FOXP1: variants seen among roughly 807,000 people sequenced by gnomAD.
FOXP1 encodes the protein forkhead box P1.
In FOXP1, 15 loss-of-function variants were observed where a neutral mutation model predicts 98.2. That is an observed-to-expected ratio of 0.15 (90% CI 0.10 to 0.24). The LOEUF (loss-of-function observed/expected upper bound fraction) is 0.24, where lower values mean the gene tolerates loss of function less well. Ranked by LOEUF, FOXP1 falls within the 10% of genes least tolerant of loss-of-function variation. The pLI, the probability that FOXP1 is intolerant of heterozygous loss-of-function variation, is 1.00. For missense variants in FOXP1, 633 were observed against 848.5 expected (o/e 0.75, Z 3.15); for synonymous variants, 371 against 314.5 (o/e 1.18, Z -1.90).
At chr3:71,255,017 CA>C in intron 5 of FOXP1, among the ~76,000 whole-genome samples, 1 of 152,258 alleles carries the variant, frequency 6.6e-6, no homozygotes, top group Non-Finnish European at 1.5e-5. Flanking sequence ...CACTTAACGC[CA>C]AGCAGTGAGT....
At chr3:71,066,091 C>CAAAA (rs34279433) in intron 7 of FOXP1, among the ~76,000 whole-genome samples, 22 of 104,972 alleles carry the variant, frequency 2.1e-4, no homozygotes, top group East Asian at 1.3e-3. Flanking sequence ...TATTTGCCTT[C>CAAAA]AAAAAAAAAA....
chr3:71,487,415 T>C (rs200156148), intron 3 of FOXP1, among the ~76,000 whole-genome samples: 1 of 152,274 alleles, frequency 6.6e-6, no homozygotes, highest in East Asian at 1.9e-4. Context: ...TGCCAGATAT[T>C]AGGGTAAGTA....
chr3:71,189,731 A>C (rs985074031), intron 6 of FOXP1, among the ~76,000 whole-genome samples: 2 of 152,084 alleles, frequency 1.3e-5, no homozygotes, highest in African/African-American at 4.8e-5. Flanking sequence ...CCCCTCAACA[A>C]TCTCTTCTTA....
intron 7 of FOXP1, among the ~76,000 whole-genome samples, chr3:71,084,758 C>T (rs1011990988): frequency 2.6e-5 from 4 of 152,128 alleles, no homozygotes; most frequent in Non-Finnish European, 5.9e-5. Context: ...GTTGGCCAGG[C>T]GCAGTGGCTC....
At chr3:71,399,185 C>G (rs2081775755) in intron 3 of FOXP1, among the ~76,000 whole-genome samples, 1 of 152,134 alleles carries the variant, frequency 6.6e-6, no homozygotes, top group Non-Finnish European at 1.5e-5. Context: ...TGTACATACA[C>G]ATATGTGTAT....
intron 7 of FOXP1, among the ~76,000 whole-genome samples, chr3:71,078,741 C>T (rs540567513): frequency 1.3e-5 from 2 of 151,904 alleles, no homozygotes; most frequent in African/African-American, 4.8e-5. Flanking sequence ...TGTTTTGCCT[C>T]CAAAGGCTCT....
At chr3:71,264,485 C>T (rs1388889917) in intron 5 of FOXP1, among the ~76,000 whole-genome samples, 11 of 152,156 alleles carry the variant, frequency 7.2e-5, no homozygotes, top group Admixed American at 6.5e-5. Flanking sequence ...AATGGAGAGC[C>T]ATGAATGGTG....
intron 3 of FOXP1, among the ~76,000 whole-genome samples, chr3:71,476,960 A>C (rs529352777): frequency 2.0e-4 from 30 of 152,324 alleles, no homozygotes; most frequent in Non-Finnish European, 4.0e-4. Context: ...CATCTGAAGG[A>C]AACTTATTGA....
At chr3:71,060,417 C>T (rs1468790642) in intron 7 of FOXP1, among the ~76,000 whole-genome samples, 1 of 152,064 alleles carries the variant, frequency 6.6e-6, no homozygotes, top group Non-Finnish European at 1.5e-5. Context: ...ATAATGAAGA[C>T]AAAGCCCAAC....
intron 10 of FOXP1, among the ~76,000 whole-genome samples, chr3:71,042,857 A>C (rs1403481967): frequency 1.3e-5 from 2 of 152,222 alleles, no homozygotes; most frequent in African/African-American, 4.8e-5. Flanking sequence ...TCTCAACGTG[A>C]TCAGCCAAAC....
intron 3 of FOXP1, among the ~76,000 whole-genome samples, chr3:71,434,343 C>T (rs2085011339): frequency 6.6e-6 from 1 of 152,010 alleles, no homozygotes; most frequent in African/African-American, 2.4e-5. Flanking sequence ...CCACTCCAGT[C>T]CTGGGAGTCC....
rs2048175053 is a variant in FOXP1 at position 71,581,600 on chromosome 3, G to C, written c.-349C>G. 3 of 985,672 alleles carry C rather than the reference G, an allele frequency of 3.0e-6. No individual in the cohort carries two copies. The highest frequency in any genetic ancestry group is 1.7e-5 in the African/African-American group (1 of 57,356). The allele number at this position is 985,672 out of a possible 1,614,324, so 61.1% of individuals were successfully genotyped here. On this transcript the variant is annotated 5_prime_UTR_variant, in exon 2 of 21. Transcript: ENST00000649528. ...GCGCCGCCTTCACGCCCGCGGAGGA[G>C]GCGCCGGCAGCACCATGGTCCCCGG...
intron 4 of FOXP1, among the ~76,000 whole-genome samples, chr3:71,311,049 G>A (rs777954511): frequency 4.6e-5 from 7 of 152,136 alleles, no homozygotes; most frequent in Non-Finnish European, 7.4e-5. Flanking sequence ...GATTTTATCT[G>A]ATTTGCATCC....
intron 3 of FOXP1, among the ~76,000 whole-genome samples, chr3:71,418,146 TG>T (rs2083363972): frequency 6.6e-6 from 1 of 151,264 alleles, no homozygotes; most frequent in Non-Finnish European, 1.5e-5. Flanking sequence ...TGTGTGTGTG[TG>T]TTTCCACTGA....
At chr3:71,391,049 C>CA (rs1357709436) in intron 3 of FOXP1, among the ~76,000 whole-genome samples, 1 of 152,162 alleles carries the variant, frequency 6.6e-6, no homozygotes, top group Admixed American at 6.5e-5. Context: ...AAAGAGCTCA[C>CA]AAAAATGTCA....
chr3:71,039,442 A>C (rs917212207), intron 11 of FOXP1, among the ~76,000 whole-genome samples: 20 of 152,192 alleles, frequency 1.3e-4, no homozygotes, highest in African/African-American at 3.9e-4. Context: ...CTCCTTGCTA[A>C]TCTATCACCT....
At position 71,480,192 on chromosome 3, in the gene FOXP1, AAAAC is replaced by A. The variant is rs569513627; in HGVS notation, c.-168+13230_-168+13233del. Among the ~76,000 whole-genome samples the A allele has an allele frequency of 3.5e-3, 538 of 152,294 alleles. 2 individuals are homozygous for A. The highest frequency in any genetic ancestry group is 5.6e-3 in the Non-Finnish European group (379 of 68,016). On this transcript the variant is annotated intron_variant, in intron 3 of 20. Transcript: ENST00000649528. ...TGACAAAGCAAGACTCTGTCTCAAGAAAACAAACAAACAAACAAACAAAAAACCC... is the reference window on the plus strand; with the variant it reads ...TGACAAAGCAAGACTCTGTCTCAAGAAAACAAACAAACAAACAAAAAACCC...
chr3:71,511,844 T>C (rs559056399), intron 2 of FOXP1, among the ~76,000 whole-genome samples: 1 of 151,638 alleles, frequency 6.6e-6, no homozygotes, highest in African/African-American at 2.4e-5. Flanking sequence ...AAGCCATGCA[T>C]GTATATATAG....
chr3:71,174,828 C>CACA (rs1560064270), intron 6 of FOXP1, among the ~76,000 whole-genome samples: 1 of 105,036 alleles, frequency 9.5e-6, no homozygotes, highest in African/African-American at 3.5e-5. Context: ...ACACACACAC[C>CACA]CCAATATACC....
Sources: allele counts gnomAD v4.1 joint callset (sites outside exome capture counted in the v4.1 genomes callset), GRCh38; gene constraint gnomAD v4.1.1; transcripts MANE v1.5; gene names NCBI Gene and HGNC (gene_info 2026-07-23, HGNC 2026-07-21).